Variants in CHN1 observed in about 807,000 individuals in gnomAD.
CHN1 encodes N-chimaerin.
CHN1 carries 37 observed loss-of-function variants against 59.5 expected under a neutral mutation model. That is an observed-to-expected ratio of 0.62 (90% confidence interval 0.48 to 0.82). The LOEUF (loss-of-function observed/expected upper bound fraction) is 0.82, where lower values mean the gene tolerates loss of function less well. CHN1 is among the 40% of genes least tolerant of loss of function. The probability of loss-of-function intolerance (pLI) is 0.00; values close to 1 mark genes in which losing one functional copy is unlikely to be tolerated. For missense variants in CHN1, 469 were observed against 571.0 expected, an observed-to-expected ratio of 0.82 and a Z score of 1.82; for synonymous variants, 206 against 200.4, an observed-to-expected ratio of 1.03 and a Z score of -0.24.
intron 1 of CHN1, among the ~76,000 whole-genome samples, chr2:175,004,418 C>G (rs1235184744): frequency 6.6e-6 from 1 of 152,026 alleles, no homozygotes; most frequent in Admixed American, 6.6e-5. Context: ...TTATTTCCAA[C>G]GGAATATACT....
intron 1 of CHN1, among the ~76,000 whole-genome samples, chr2:174,994,446 T>C (rs1479232085): frequency 6.6e-6 from 1 of 152,224 alleles, no homozygotes; most frequent in Admixed American, 6.5e-5. Context: ...CCAACATTTA[T>C]TGAGTAGCTG....
chr2:174,887,473 T>C (rs1368615237), intron 5 of CHN1, among the ~76,000 whole-genome samples: 1 of 152,148 alleles, frequency 6.6e-6, no homozygotes, highest in Non-Finnish European at 1.5e-5. Context: ...AAATAATCCC[T>C]CCAGTGTCTC....
chr2:174,947,734 T>C (rs1689890458), intron 2 of CHN1, among the ~76,000 whole-genome samples: 1 of 152,156 alleles, frequency 6.6e-6, no homozygotes, highest in Non-Finnish European at 1.5e-5. Context: ...TACTCCCACC[T>C]TGGCTTCTTA....
At chr2:174,812,122 C>T (rs1685096163) in intron 9 of CHN1, 187 bp downstream of exon 9, 3 of 426,952 alleles carry the variant, frequency 7.0e-6, no homozygotes, top group South Asian at 2.2e-4. Context: ...GTTAAATGTA[C>T]CTTGAAATCA....
rs148695631 is a variant in CHN1, at chr2:174,958,613, T to C, written c.20-6411A>G. Among the ~76,000 whole-genome samples the C allele has an allele frequency of 3.3e-5, 5 of 152,316 alleles. No individual in the cohort carries two copies. In the East Asian group the frequency reaches 9.6e-4, roughly 29 times the overall value. On this transcript the variant is annotated intron_variant, in intron 1 of 12. Coordinates refer to ENST00000409900, the MANE Select transcript of CHN1 (RefSeq NM_001822.7). ...TACTTAGTGCTAGGTGGCGCTTTCTTAGGGAACATCAACCTTTACTTGCTC... is the reference window on the plus strand; with the variant it reads ...TACTTAGTGCTAGGTGGCGCTTTCTCAGGGAACATCAACCTTTACTTGCTC...
At chr2:174,916,710 C>G (rs1688858480) in intron 4 of CHN1, among the ~76,000 whole-genome samples, 1 of 152,158 alleles carries the variant, frequency 6.6e-6, no homozygotes, top group Non-Finnish European at 1.5e-5. Context: ...ACAATGGGCT[C>G]CTGAATTTCT....
At chr2:174,835,228 T>C (rs574731922) in intron 7 of CHN1, among the ~76,000 whole-genome samples, 1 of 152,350 alleles carries the variant, frequency 6.6e-6, no homozygotes, top group East Asian at 1.9e-4. Context: ...AGCTGAGCCA[T>C]TGTAAGCCAG....
intron 1 of CHN1, among the ~76,000 whole-genome samples, chr2:175,004,062 T>C (rs1691980344): frequency 6.6e-6 from 1 of 151,960 alleles, no homozygotes; most frequent in Non-Finnish European, 1.5e-5. Flanking sequence ...CTTTGCTTCT[T>C]CAAAAAAGCT....
At chr2:174,984,629 A>T (rs1287072706) in intron 1 of CHN1, among the ~76,000 whole-genome samples, 1 of 152,100 alleles carries the variant, frequency 6.6e-6, no homozygotes, top group African/African-American at 2.4e-5. Flanking sequence ...GGCCTCCCAA[A>T]GTCCTGGGAT....
At chr2:174,925,744 C>A (rs575020273) in intron 3 of CHN1, among the ~76,000 whole-genome samples, 1 of 152,358 alleles carries the variant, frequency 6.6e-6, no homozygotes, top group South Asian at 2.1e-4. Context: ...TCTGAATCCA[C>A]CTATGACTGT....
intron 5 of CHN1, among the ~76,000 whole-genome samples, chr2:174,899,101 T>A (rs1490969988): frequency 4.6e-5 from 7 of 152,182 alleles, no homozygotes; most frequent in Non-Finnish European, 1.0e-4. Flanking sequence ...CCTTGTTACC[T>A]TCTCAGTTCC....
chr2:174,822,731 T>A (rs973607393), intron 8 of CHN1, among the ~76,000 whole-genome samples: 1 of 152,222 alleles, frequency 6.6e-6, no homozygotes. Context: ...CTCCACTTTA[T>A]CAACACTTTC....
intron 5 of CHN1, among the ~76,000 whole-genome samples, chr2:174,889,716 A>C (rs575430118): frequency 6.6e-6 from 1 of 152,298 alleles, no homozygotes; most frequent in South Asian, 2.1e-4. Context: ...AAGAAATCCT[A>C]AGGGACTTAT....
At chr2:174,878,814 A>G (rs1687650972) in intron 5 of CHN1, among the ~76,000 whole-genome samples, 1 of 152,268 alleles carries the variant, frequency 6.6e-6, no homozygotes, top group Non-Finnish European at 1.5e-5. Context: ...CTATTGGACT[A>G]TAGAAATTCT....
At chr2:174,907,791 C>T (rs1255897096) in intron 5 of CHN1, among the ~76,000 whole-genome samples, 7 of 151,578 alleles carry the variant, frequency 4.6e-5, no homozygotes, top group Admixed American at 3.3e-4. Flanking sequence ...CCCATAGGTA[C>T]GAAATTTTAT....
At position 174,801,776 on chromosome 2, in the gene CHN1, TGAAG is replaced by T. The variant is rs751238428; in HGVS notation, c.1135_1138del (p.Leu379MetfsTer4). On this transcript the variant is annotated frameshift_variant, in exon 12 of 13. Transcript: ENST00000409900. LOFTEE classifies it high-confidence loss of function. ...AGGTGGCAGTAGTTTCAGTGCTTCA[TGAAG>T]GGTTTCCAATTGCTCATCCGGATCC... 3 of 1,613,390 alleles carry T rather than the reference TGAAG, an allele frequency of 1.9e-6. No individual in the cohort carries two copies.
chr2:174,993,333 C>T (rs1269320568), intron 1 of CHN1, among the ~76,000 whole-genome samples: 1 of 151,838 alleles, frequency 6.6e-6, no homozygotes, highest in Non-Finnish European at 1.5e-5. Flanking sequence ...ATAGTCTGGA[C>T]AACCTATCAT....
intron 5 of CHN1, among the ~76,000 whole-genome samples, chr2:174,883,965 C>CT (rs141023955): frequency 0.058 from 7,029 of 121,492 alleles, 462 homozygotes; most frequent in African/African-American, 0.14. Context: ...AGTCTAACTT[C>CT]TTTTTTTTTT....
chr2:174,984,069 C>A (rs1041757807), intron 1 of CHN1, among the ~76,000 whole-genome samples: 28 of 146,090 alleles, frequency 1.9e-4, no homozygotes, highest in Non-Finnish European at 3.9e-4. Flanking sequence ...TTTTTTTTTT[C>A]ATTTTCAGAA....
Sources: gnomAD v4.1 joint callset for allele counts (sites outside exome capture counted in the v4.1 genomes callset) on GRCh38, gnomAD v4.1.1 for gene constraint, MANE v1.5 for transcripts, NCBI Gene and HGNC (gene_info 2026-07-23, HGNC 2026-07-21) for gene names.